LIPI: variants seen among roughly 807,000 people sequenced by gnomAD.
The protein encoded by LIPI is lipase member I.
LIPI carries 59 observed loss-of-function variants against 50.6 expected under a neutral mutation model. The ratio of observed to expected loss-of-function variants is 1.16; its 90% confidence interval spans 0.94 to 1.45. The LOEUF is 1.45. Among genes scored for constraint, LIPI ranks in the 40% most tolerant of loss-of-function variants. LIPI has a pLI of 0.00. For synonymous variants in LIPI, 203 were observed against 178.2 expected (o/e 1.14, Z -1.11); for missense variants, 586 against 536.3 (o/e 1.09, Z -0.92).
chr21:14,205,836 G>C (rs2020211613), intron 1 of LIPI, among the ~76,000 whole-genome samples: 1 of 151,982 alleles, frequency 6.6e-6, no homozygotes, highest in Non-Finnish European at 1.5e-5. Flanking sequence ...ATTAATTTTT[G>C]TACCTGTTTG....
At chr21:14,150,950 T>A (rs1210390844) in intron 8 of LIPI, among the ~76,000 whole-genome samples, 1 of 152,222 alleles carries the variant, frequency 6.6e-6, no homozygotes, top group Non-Finnish European at 1.5e-5. Context: ...TCATCTGCAA[T>A]GTCTTTATTA....
chr21:14,154,217 C>G (rs2123104497), intron 7 of LIPI, among the ~76,000 whole-genome samples: 1 of 151,368 alleles, frequency 6.6e-6, no homozygotes, highest in East Asian at 1.9e-4. Flanking sequence ...GATAGATTAT[C>G]TTCACAGAAA....
chr21:14,187,362 A>C (rs1243200367), intron 2 of LIPI, among the ~76,000 whole-genome samples: 6 of 152,124 alleles, frequency 3.9e-5, no homozygotes, highest in African/African-American at 1.4e-4. Flanking sequence ...CCACTAATGA[A>C]AAACTACCCT....
chr21:14,184,217 A>G (rs1177262847), intron 3 of LIPI, among the ~76,000 whole-genome samples: 1 of 152,262 alleles, frequency 6.6e-6, no homozygotes, highest in Non-Finnish European at 1.5e-5. Context: ...TCAGCAAACT[A>G]TCGCAAGGAC....
At chr21:14,205,031 A>G (rs1273818772) in intron 1 of LIPI, among the ~76,000 whole-genome samples, 2 of 151,662 alleles carry the variant, frequency 1.3e-5, no homozygotes, top group African/African-American at 4.8e-5. Context: ...CAAAACCATA[A>G]ATGAGAAAAA....
chr21:14,187,749 T>A (rs2019505256), intron 2 of LIPI, among the ~76,000 whole-genome samples: 1 of 146,938 alleles, frequency 6.8e-6, no homozygotes, highest in Admixed American at 6.7e-5. Flanking sequence ...AAAATAATAA[T>A]GAAAGTTGAT....
At chr21:14,179,076 A>G (rs902378640) in intron 4 of LIPI, among the ~76,000 whole-genome samples, 1 of 152,110 alleles carries the variant, frequency 6.6e-6, no homozygotes, top group Non-Finnish European at 1.5e-5. Context: ...ATGTTTTGCA[A>G]ACCCAATATG....
chr21:14,193,755 G>C (rs893224994), intron 1 of LIPI, among the ~76,000 whole-genome samples: 1 of 150,982 alleles, frequency 6.6e-6, no homozygotes, highest in Non-Finnish European at 1.5e-5. Context: ...AGAACCACAG[G>C]CGACAACAGA....
chr21:14,202,704 A>G (rs2020098994), intron 1 of LIPI, among the ~76,000 whole-genome samples: 1 of 152,226 alleles, frequency 6.6e-6, no homozygotes, highest in African/African-American at 2.4e-5. Context: ...AAAGACTTAA[A>G]TGTTAGACCT....
chr21:14,136,950 T>C, intron 9 of LIPI, among the ~76,000 whole-genome samples: 1 of 152,288 alleles, frequency 6.6e-6, no homozygotes, highest in East Asian at 1.9e-4. Flanking sequence ...ATAATTCTCC[T>C]GGATCTTGTC....
At chr21:14,206,487 G>A (rs371587170) in intron 1 of LIPI, among the ~76,000 whole-genome samples, 3 of 152,188 alleles carry the variant, frequency 2.0e-5, no homozygotes, top group East Asian at 3.9e-4. Flanking sequence ...ATGAACAAAA[G>A]AACCACTAGT....
In LIPI at chr21:14,149,729, G is replaced by A. The variant is rs1600864269; in HGVS notation, c.1118+2844C>T. Among the ~76,000 whole-genome samples, 3 of 152,184 alleles carry A rather than the reference G, an allele frequency of 2.0e-5. No homozygotes were observed. In the South Asian group the frequency reaches 6.2e-4, roughly 32 times the overall value. ...CCATCCAAGTCTGAAATCCAATAGGGCAGTCATTAAACCCTAAAGTTCCAA... is the reference window on the plus strand; with the variant it reads ...CCATCCAAGTCTGAAATCCAATAGGACAGTCATTAAACCCTAAAGTTCCAA... On this transcript the variant is annotated intron_variant, in intron 8 of 9. Coordinates refer to ENST00000681601, the MANE Select transcript of LIPI (RefSeq NM_001302998.2).
intron 4 of LIPI, among the ~76,000 whole-genome samples, chr21:14,167,078 A>C (rs1255483013): frequency 6.6e-6 from 1 of 152,200 alleles, no homozygotes; most frequent in Non-Finnish European, 1.5e-5. Flanking sequence ...CATGGCTCGG[A>C]GGGTCCTACG....
intron 9 of LIPI, among the ~76,000 whole-genome samples, chr21:14,131,960 A>G (rs1304388447): frequency 6.6e-6 from 1 of 152,234 alleles, no homozygotes; most frequent in East Asian, 1.9e-4. Flanking sequence ...AATTAGACCA[A>G]GAAGAAGAAA....
At position 14,186,131 on chromosome 21, in the gene LIPI, C is replaced by T. The variant is rs1203447577; in HGVS notation, c.433-62G>A. The T allele has an allele frequency of 8.9e-6, 8 of 898,088 alleles. No homozygotes were observed. The Admixed American group carries it at 1.2e-4, about 13-fold the overall frequency. 55.6% of individuals were successfully genotyped at this position (898,088 alleles called of 1,614,324 possible). Reference sequence around the variant, plus strand: ...TTTCAAGTAATAACAAATCATGCCCCCCTCATATATCGACATTTCAAAATT... The same window carrying T: ...TTTCAAGTAATAACAAATCATGCCCTCCTCATATATCGACATTTCAAAATT... On this transcript the variant is annotated intron_variant, in intron 2 of 9. Coordinates refer to ENST00000681601, the MANE Select transcript of LIPI (RefSeq NM_001302998.2).
chr21:14,128,614 A>T (rs1041449373), intron 9 of LIPI, among the ~76,000 whole-genome samples: 1 of 152,082 alleles, frequency 6.6e-6, no homozygotes, highest in African/African-American at 2.4e-5. Context: ...TATCAAGGAT[A>T]TATCCTTAAA....
chr21:14,187,290 G>A (rs2019489331), intron 2 of LIPI, among the ~76,000 whole-genome samples: 1 of 152,262 alleles, frequency 6.6e-6, no homozygotes, highest in East Asian at 1.9e-4. Flanking sequence ...CTTGTGGACA[G>A]ATCATGGTCC....
At chr21:14,179,605 T>C (rs1568870771) in intron 4 of LIPI, among the ~76,000 whole-genome samples, 1 of 152,112 alleles carries the variant, frequency 6.6e-6, no homozygotes, top group Non-Finnish European at 1.5e-5. Flanking sequence ...GGACCCCAAA[T>C]AGAGGGACCG....
At chr21:14,129,008 G>T (rs1172552308) in intron 9 of LIPI, among the ~76,000 whole-genome samples, 1 of 152,040 alleles carries the variant, frequency 6.6e-6, no homozygotes, top group African/African-American at 2.4e-5. Flanking sequence ...GAATCTAGGA[G>T]TATTTATATA....
Sources: allele counts gnomAD v4.1 joint callset (sites outside exome capture counted in the v4.1 genomes callset), GRCh38; gene constraint gnomAD v4.1.1; transcripts MANE v1.5; gene names NCBI Gene and HGNC (gene_info 2026-07-23, HGNC 2026-07-21).